MICU3: variants seen among roughly 807,000 people sequenced by gnomAD.
MICU3 encodes the protein mitochondrial calcium uptake 3.
A neutral mutation model predicts 66.5 loss-of-function variants in MICU3; 62 were observed. The ratio of observed to expected loss-of-function variants is 0.93; its 90% CI spans 0.76 to 1.15. The LOEUF is 1.15. MICU3 is among the 50% of genes most tolerant of loss of function. MICU3 has a pLI of 0.00. For missense variants in MICU3, 779 were observed against 664.4 expected (o/e 1.17, Z -1.90); for synonymous variants, 308 against 240.7 (o/e 1.28, Z -2.59).
In MICU3 at chr8:17,121,535, A is replaced by G. The variant is rs1484938378; in HGVS notation, c.*1248A>G. 6.6e-6 allele frequency: 1 copy of G among 152,214 alleles called. No individual in the cohort carries two copies. Among genetic ancestry groups the G allele is most frequent in the Admixed American group, 6.6e-5 (1 of 15,234 alleles). 9.4% of individuals were successfully genotyped at this position (152,214 alleles called of 1,614,324 possible). On this transcript the variant is annotated 3_prime_UTR_variant, in exon 15 of 15. Transcript: ENST00000318063. Reference sequence around the variant, plus strand: ...CTGAATTAACGTATTTACATATTGCATATGGAAGATAAGTTCATTTATCTT... The same window carrying G: ...CTGAATTAACGTATTTACATATTGCGTATGGAAGATAAGTTCATTTATCTT...
At chr8:17,042,550 A>G (rs1044094525) in intron 1 of MICU3, among the ~76,000 whole-genome samples, 3 of 152,186 alleles carry the variant, frequency 2.0e-5, no homozygotes, top group African/African-American at 7.2e-5. Flanking sequence ...GTATTGATAT[A>G]TTATGTAAGC....
intron 7 of MICU3, among the ~76,000 whole-genome samples, chr8:17,089,877 A>C (rs941363177): frequency 6.6e-6 from 1 of 152,138 alleles, no homozygotes; most frequent in Non-Finnish European, 1.5e-5. Flanking sequence ...GAATCTTAAC[A>C]TACCTAAATA....
chr8:17,081,472 ATATT>A (rs1210146445), intron 4 of MICU3, among the ~76,000 whole-genome samples: 1 of 152,040 alleles, frequency 6.6e-6, no homozygotes, highest in East Asian at 1.9e-4. Context: ...TTTTGCCAAT[ATATT>A]TGAGAGCATA....
intron 1 of MICU3, among the ~76,000 whole-genome samples, chr8:17,046,381 G>A (rs1418352001): frequency 1.3e-5 from 2 of 152,176 alleles, no homozygotes; most frequent in Non-Finnish European, 2.9e-5. Context: ...TGATTGTTGT[G>A]TTGGTCTGAG....
At chr8:17,118,351 T>G (rs1182483935) in intron 13 of MICU3, among the ~76,000 whole-genome samples, 2 of 152,132 alleles carry the variant, frequency 1.3e-5, no homozygotes, top group Non-Finnish European at 2.9e-5. Context: ...TATATATATA[T>G]AGTGGAATGA....
the MICU3 span, among the ~76,000 whole-genome samples, chr8:17,137,543 G>T: frequency 3.4e-5 from 5 of 148,810 alleles, no homozygotes; most frequent in Non-Finnish European, 7.4e-5. Context: ...AAAAAAGGGG[G>T]CCCTGTATTT....
downstream of MICU3, among the ~76,000 whole-genome samples, chr8:17,125,028 GA>G (rs199946245): frequency 4.6e-5 from 7 of 151,616 alleles, no homozygotes; most frequent in African/African-American, 1.4e-4. Context: ...TTCATTTCTG[GA>G]AAAAAAATGT....
rs1819260476 is a variant in MICU3, at chr8:17,069,717, C to G, written c.565C>G (p.Gln189Glu). ...VAKTWKSLSK[Q>E]ELNQMLAETP... is the part of the protein sequence containing the mutation. ...CAAAACTTGGAAGTCACTTTCCAAA[C>G]AGGTGAGTTAAAGCTCTTGGTAGAT... Residue 189 changes from glutamine (Q) to glutamate (E), a missense_variant and splice_region_variant, in exon 3 of 15, where the codon CAG (glutamine) becomes GAG (glutamate). Transcript: ENST00000318063. 4 of 1,539,712 alleles carry G rather than the reference C, an allele frequency of 2.6e-6. No homozygotes were observed. The highest frequency in any genetic ancestry group is 3.5e-6 in the Non-Finnish European group (4 of 1,136,834).
At chr8:17,060,822 G>T (rs2150612873) in intron 1 of MICU3, among the ~76,000 whole-genome samples, 1 of 149,778 alleles carries the variant, frequency 6.7e-6, no homozygotes, top group South Asian at 2.1e-4. Context: ...TTTTTGCCTG[G>T]GGCACAAACC....
At chr8:17,112,880 A>G (rs1489493972) in intron 11 of MICU3, among the ~76,000 whole-genome samples, 1 of 152,178 alleles carries the variant, frequency 6.6e-6, no homozygotes, top group Non-Finnish European at 1.5e-5. Flanking sequence ...AGCTCTCCAC[A>G]TCACGACAAA....
intron 5 of MICU3, among the ~76,000 whole-genome samples, chr8:17,084,809 T>C (rs1799289727): frequency 6.6e-6 from 1 of 152,178 alleles, no homozygotes; most frequent in South Asian, 2.1e-4. Context: ...TGTCTTATGC[T>C]TGACATTTAT....
chr8:17,048,857 G>A (rs757161692), intron 1 of MICU3, among the ~76,000 whole-genome samples: 12 of 152,214 alleles, frequency 7.9e-5, no homozygotes, highest in Non-Finnish European at 1.2e-4. Flanking sequence ...GGGCTCAAGT[G>A]GTCCTCCCAC....
downstream of MICU3, among the ~76,000 whole-genome samples, chr8:17,127,603 A>G (rs1375625060): frequency 6.6e-6 from 1 of 152,244 alleles, no homozygotes; most frequent in Non-Finnish European, 1.5e-5. Flanking sequence ...GCAAAAGGAA[A>G]TACTAAATAG....
At chr8:17,049,992 C>G (rs1815789014) in intron 1 of MICU3, among the ~76,000 whole-genome samples, 1 of 152,106 alleles carries the variant, frequency 6.6e-6, no homozygotes, top group Non-Finnish European at 1.5e-5. Context: ...ATACCCCTTT[C>G]CATAGTCACA....
At chr8:17,111,217 T>A (rs573963480) in intron 11 of MICU3, among the ~76,000 whole-genome samples, 1 of 152,230 alleles carries the variant, frequency 6.6e-6, no homozygotes, top group Non-Finnish European at 1.5e-5. Flanking sequence ...GCTTTGTACA[T>A]GTTCTTTATA....
At chr8:17,075,999 A>G (rs894685134) in intron 3 of MICU3, among the ~76,000 whole-genome samples, 4 of 152,128 alleles carry the variant, frequency 2.6e-5, no homozygotes, top group Non-Finnish European at 5.9e-5. Context: ...TAAGCTATGT[A>G]AAATTTATTC....
intron 3 of MICU3, among the ~76,000 whole-genome samples, chr8:17,073,235 G>C (rs1819870551): frequency 6.6e-6 from 1 of 152,128 alleles, no homozygotes; most frequent in African/African-American, 2.4e-5. Context: ...CTATATATCA[G>C]ATCGCCCCCT....
chr8:17,098,393 G>A (rs1800950279), intron 8 of MICU3, 65 bp from the exon 9 acceptor site: 3 of 1,059,276 alleles, frequency 2.8e-6, no homozygotes, highest in South Asian at 2.5e-5. Context: ...GATTTAAAGT[G>A]TATAAATTAT....
chr8:17,036,734 C>T (rs1813065509), intron 1 of MICU3, among the ~76,000 whole-genome samples: 1 of 152,246 alleles, frequency 6.6e-6, no homozygotes, highest in Non-Finnish European at 1.5e-5. Context: ...CCACCAGACT[C>T]AGGAGCCCAG....
Sources: gnomAD v4.1 joint callset for allele counts (sites outside exome capture counted in the v4.1 genomes callset) on GRCh38, gnomAD v4.1.1 for gene constraint, MANE v1.5 for transcripts, NCBI Gene and HGNC (gene_info 2026-07-23, HGNC 2026-07-21) for gene names.